GALNT13: variants seen among roughly 807,000 people sequenced by gnomAD.
GALNT13 encodes the protein UDP-GalNAc:polypeptide N-acetylgalactosaminyltransferase 13.
In GALNT13, 28 loss-of-function variants were observed where a neutral mutation model predicts 64.2. The observed-to-expected ratio is 0.44, with a 90% confidence interval of 0.32 to 0.60. The LOEUF (loss-of-function observed/expected upper bound fraction) is 0.60. Ranked by LOEUF, GALNT13 falls within the 20% of genes least tolerant of loss-of-function variation. GALNT13 has a pLI of 0.05. For synonymous variants in GALNT13, 214 were observed against 224.6 expected, an observed-to-expected ratio of 0.95 and a Z score of 0.42; for missense variants, 577 against 669.8, an observed-to-expected ratio of 0.86 and a Z score of 1.53.
the GALNT13 span, among the ~76,000 whole-genome samples, chr2:153,213,578 G>T: frequency 1.3e-5 from 2 of 152,176 alleles, no homozygotes; most frequent in African/African-American, 4.8e-5. Context: ...AAAGGGGAAA[G>T]ATACAAATAC....
At chr2:153,989,489 G>A (rs548211595) in intron 3 of GALNT13, among the ~76,000 whole-genome samples, 1 of 152,070 alleles carries the variant, frequency 6.6e-6, no homozygotes, top group African/African-American at 2.4e-5. Flanking sequence ...TTTTGGGTTT[G>A]TGTGCAAGGA....
intron 3 of GALNT13, among the ~76,000 whole-genome samples, chr2:153,992,431 G>T (rs530109628): frequency 1.8e-4 from 27 of 152,096 alleles, no homozygotes; most frequent in Admixed American, 7.2e-4. Flanking sequence ...ATGCATGTTG[G>T]CACTTTACTG....
At chr2:153,785,423 G>A in the GALNT13 span, among the ~76,000 whole-genome samples, 2 of 152,300 alleles carry the variant, frequency 1.3e-5, no homozygotes, top group East Asian at 1.9e-4. Flanking sequence ...TGTTGATATA[G>A]CCTTTAGGTA....
At chr2:153,621,035 G>C in the GALNT13 span, among the ~76,000 whole-genome samples, 1 of 152,052 alleles carries the variant, frequency 6.6e-6, no homozygotes, top group Non-Finnish European at 1.5e-5. Context: ...GATGGTCTTA[G>C]ACAAGATCCG....
intron 1 of GALNT13, among the ~76,000 whole-genome samples, chr2:153,881,017 A>T (rs1686747060): frequency 6.6e-6 from 1 of 152,174 alleles, no homozygotes; most frequent in South Asian, 2.1e-4. Context: ...TCATTTAATC[A>T]TTTAGTTTCT....
the GALNT13 span, among the ~76,000 whole-genome samples, chr2:153,129,422 A>G: frequency 6.6e-6 from 1 of 152,162 alleles, no homozygotes; most frequent in South Asian, 2.1e-4. Context: ...TGAAATGCTT[A>G]CCAGTAGGCA....
chr2:154,396,270 C>A, intron 10 of GALNT13, 140 bp downstream of exon 10: 1 of 484,574 alleles, frequency 2.1e-6, no homozygotes, highest in Non-Finnish European at 3.4e-6. Flanking sequence ...TCTCATATTT[C>A]AAGGACCATG....
chr2:153,764,404 C>A, the GALNT13 span, among the ~76,000 whole-genome samples: 2 of 152,220 alleles, frequency 1.3e-5, no homozygotes, highest in Middle Eastern at 6.8e-3. Flanking sequence ...GGCATGTTGG[C>A]ACATGCCTGT....
At chr2:153,351,712 A>G in the GALNT13 span, among the ~76,000 whole-genome samples, 50 of 152,304 alleles carry the variant, frequency 3.3e-4, no homozygotes, top group Non-Finnish European at 5.1e-4. Flanking sequence ...ATCACACAGT[A>G]TGTAGCGTTT....
intron 3 of GALNT13, among the ~76,000 whole-genome samples, chr2:153,973,877 A>C (rs1157057213): frequency 6.6e-6 from 1 of 152,058 alleles, no homozygotes; most frequent in African/African-American, 2.4e-5. Context: ...AGTGAAATAC[A>C]GTGTCTGGTA....
chr2:153,477,180 G>A, the GALNT13 span, among the ~76,000 whole-genome samples: 1 of 151,972 alleles, frequency 6.6e-6, no homozygotes, highest in African/African-American at 2.4e-5. Context: ...TCATCCCAGG[G>A]CCTCTCCGTC....
At chr2:153,166,651 G>A in the GALNT13 span, among the ~76,000 whole-genome samples, 1 of 151,550 alleles carries the variant, frequency 6.6e-6, no homozygotes, top group Non-Finnish European at 1.5e-5. Flanking sequence ...GTGTGTGTGT[G>A]TGTGTGTGTG....
the GALNT13 span, among the ~76,000 whole-genome samples, chr2:153,345,691 CTT>C: frequency 4.4e-3 from 562 of 127,950 alleles, 10 homozygotes; most frequent in Middle Eastern, 0.011. Flanking sequence ...TTCTTTCTTT[CTT>C]TCTTTCTTTC....
chr2:153,618,623 GAA>G, the GALNT13 span, among the ~76,000 whole-genome samples: 1 of 151,834 alleles, frequency 6.6e-6, no homozygotes, highest in South Asian at 2.1e-4. Context: ...TTGGCATGTT[GAA>G]GTCTTCTGCT....
chr2:153,544,074 A>G, the GALNT13 span, among the ~76,000 whole-genome samples: 1 of 152,206 alleles, frequency 6.6e-6, no homozygotes, highest in Non-Finnish European at 1.5e-5. Context: ...ATAAATATTC[A>G]GAGTTTTATC....
intron 3 of GALNT13, among the ~76,000 whole-genome samples, chr2:154,021,390 G>C (rs1697478626): frequency 6.6e-6 from 1 of 152,102 alleles, no homozygotes; most frequent in African/African-American, 2.4e-5. Context: ...GCAGTGGTTT[G>C]TAGTTCTCCT....
chr2:154,192,515 CAT>C (rs61549884), intron 4 of GALNT13, among the ~76,000 whole-genome samples: 11 of 150,308 alleles, frequency 7.3e-5, no homozygotes, highest in Admixed American at 1.3e-4. Context: ...GATTGAATGA[CAT>C]ATATATATAT....
the GALNT13 span, among the ~76,000 whole-genome samples, chr2:153,611,618 T>G: frequency 6.6e-6 from 1 of 150,392 alleles, no homozygotes; most frequent in Non-Finnish European, 1.5e-5. Flanking sequence ...TCCTCAGCCT[T>G]CCCAAAGTGC....
At chr2:153,263,435 G>GA in the GALNT13 span, among the ~76,000 whole-genome samples, 1 of 151,866 alleles carries the variant, frequency 6.6e-6, no homozygotes, top group African/African-American at 2.4e-5. Context: ...CACAGAATTA[G>GA]AAAAAAATCT....
Sources: gnomAD v4.1 joint callset for allele counts (sites outside exome capture counted in the v4.1 genomes callset) on GRCh38, gnomAD v4.1.1 for gene constraint, MANE v1.5 for transcripts, NCBI Gene and HGNC (gene_info 2026-07-23, HGNC 2026-07-21) for gene names.